Variants in MAGI2 observed in about 807,000 individuals in gnomAD.
MAGI2 encodes membrane-associated guanylate kinase, WW and PDZ domain-containing protein 2.
A neutral mutation model predicts 133.3 loss-of-function variants in MAGI2; 35 were observed. The ratio of observed to expected loss-of-function variants is 0.26; its 90% CI spans 0.20 to 0.35. The LOEUF is 0.35. MAGI2 is among the 10% of genes least tolerant of loss of function. The pLI is 1.00. For missense variants in MAGI2, 1,636 were observed against 1,863.4 expected, an observed-to-expected ratio of 0.88 and a Z score of 2.25; for synonymous variants, 729 against 710.6, an observed-to-expected ratio of 1.03 and a Z score of -0.41.
At chr7:78,677,606 T>C (rs1253786105) in intron 2 of MAGI2, among the ~76,000 whole-genome samples, 1 of 152,140 alleles carries the variant, frequency 6.6e-6, no homozygotes, top group African/African-American at 2.4e-5. Flanking sequence ...TTGTGTTTGA[T>C]GACCATGACT....
At chr7:79,372,811 T>G (rs1233301186) in intron 1 of MAGI2, among the ~76,000 whole-genome samples, 2 of 152,034 alleles carry the variant, frequency 1.3e-5, no homozygotes, top group Non-Finnish European at 2.9e-5. Context: ...GAAAATAGAA[T>G]AGCCTTTTGC....
At chr7:79,225,820 A>G (rs1247893034) in intron 1 of MAGI2, among the ~76,000 whole-genome samples, 1 of 152,202 alleles carries the variant, frequency 6.6e-6, no homozygotes, top group African/African-American at 2.4e-5. Flanking sequence ...CTGTTTTGTA[A>G]TATTCTAAAC....
chr7:79,425,907 C>G (rs550228306), intron 1 of MAGI2, among the ~76,000 whole-genome samples: 1 of 151,894 alleles, frequency 6.6e-6, no homozygotes, highest in African/African-American at 2.4e-5. Context: ...AAAAGCTGCA[C>G]CAGGAAAACT....
intron 1 of MAGI2, among the ~76,000 whole-genome samples, chr7:79,214,391 CTCTCTCTCTCTCTCTCTATATATATATA>C (rs1829787670): frequency 2.1e-5 from 2 of 93,244 alleles, no homozygotes; most frequent in Non-Finnish European, 4.1e-5. Flanking sequence ...CTCTCTCTCT[CTCTCTCTCTCTCTCTCTATATATATATA>C]TATATATATA....
chr7:78,734,653 G>C (rs1327715055), intron 2 of MAGI2, among the ~76,000 whole-genome samples: 1 of 152,142 alleles, frequency 6.6e-6, no homozygotes, highest in Non-Finnish European at 1.5e-5. Flanking sequence ...GACCTCAAGA[G>C]GTCTTGTATG....
In MAGI2 at chr7:78,018,885, C is replaced by A. The variant is rs546979055; in HGVS notation, c.*430G>T. 8 of 363,860 alleles carry A rather than the reference C, an allele frequency of 2.2e-5. No individual in the cohort carries two copies. Among genetic ancestry groups the A allele is most frequent in the African/African-American group, 8.4e-5 (4 of 47,772 alleles). 22.5% of individuals were successfully genotyped at this position (363,860 alleles called of 1,614,324 possible). A position where few individuals can be genotyped will look rare whatever the true frequency, so the allele number is the denominator to read the frequency against. On this transcript the variant is annotated 3_prime_UTR_variant, in exon 22 of 22. Transcript: ENST00000354212. ...AGATATAATCTTGTCTCAGTTTCAG[C>A]TTGCTCCGTGCAGTTTGATTTTTAA...
intron 2 of MAGI2, among the ~76,000 whole-genome samples, chr7:78,895,020 G>A (rs1179761995): frequency 1.3e-5 from 2 of 152,134 alleles, no homozygotes; most frequent in Non-Finnish European, 2.9e-5. Context: ...TTAAAAGGAA[G>A]GGCCTTTAAG....
rs142624289 is a variant in MAGI2, at chr7:78,159,229, C to T, written c.2845+796G>A. 2.6e-4 allele frequency among the ~76,000 whole-genome samples: 39 copies of T among 152,334 alleles called. No individual in the cohort carries two copies. The East Asian group carries it at 6.9e-3, about 27-fold the overall frequency. The stretch of plus-strand genomic sequence containing the variant: ...TTGATAAATTGGCTCTGCTAGGCAG[C>T]GGGCAATGTGAAGCCATTGGGCAGT... On this transcript the variant is annotated intron_variant, in intron 16 of 21. Transcript: ENST00000354212.
At position 79,335,668 on chromosome 7, in the gene MAGI2, G is replaced by C. The variant is rs1313574028; in HGVS notation, c.301+117352C>G. On this transcript the variant is annotated intron_variant, in intron 1 of 21. Coordinates refer to ENST00000354212, the MANE Select transcript of MAGI2 (RefSeq NM_012301.4). ...GAAGTACACAGCAACATCCTTAGTGGACAAAAGATGGGTAAATCTTTTTGA... is the reference window on the plus strand; with the variant it reads ...GAAGTACACAGCAACATCCTTAGTGCACAAAAGATGGGTAAATCTTTTTGA... Among the ~76,000 whole-genome samples the C allele has an allele frequency of 2.6e-5, 4 of 151,902 alleles. No homozygotes were observed. In the East Asian group the frequency reaches 7.7e-4, roughly 29 times the overall value.
At chr7:78,385,114 TC>T (rs1171796944) in intron 6 of MAGI2, among the ~76,000 whole-genome samples, 1 of 152,172 alleles carries the variant, frequency 6.6e-6, no homozygotes, top group Non-Finnish European at 1.5e-5. Context: ...TGTCATAGAT[TC>T]CCTACTTTAT....
chr7:79,328,316 T>A (rs755099085), intron 1 of MAGI2, among the ~76,000 whole-genome samples: 4 of 152,152 alleles, frequency 2.6e-5, no homozygotes, highest in Non-Finnish European at 5.9e-5. Flanking sequence ...ATCAAGAATA[T>A]CCTCCTGTCC....
At chr7:78,967,761 G>T (rs192333356) in intron 2 of MAGI2, among the ~76,000 whole-genome samples, 3 of 151,884 alleles carry the variant, frequency 2.0e-5, no homozygotes, top group East Asian at 3.9e-4. Context: ...TATTATATAC[G>T]CATGGCTTAT....
intron 6 of MAGI2, among the ~76,000 whole-genome samples, chr7:78,377,700 C>T (rs1298996744): frequency 1.3e-5 from 2 of 151,608 alleles, no homozygotes; most frequent in African/African-American, 4.8e-5. Flanking sequence ...ACTGAGGAAT[C>T]TGTACTTCAT....
At chr7:78,779,571 A>T (rs1214471022) in intron 2 of MAGI2, among the ~76,000 whole-genome samples, 1 of 152,244 alleles carries the variant, frequency 6.6e-6, no homozygotes, top group Non-Finnish European at 1.5e-5. Flanking sequence ...TTTTGACTGA[A>T]TCACTCTGTT....
intron 1 of MAGI2, among the ~76,000 whole-genome samples, chr7:79,295,847 G>A (rs934727419): frequency 6.6e-6 from 1 of 152,040 alleles, no homozygotes; most frequent in Non-Finnish European, 1.5e-5. Context: ...ACGTGATCAA[G>A]AAGAAAACAC....
chr7:78,272,886 C>T (rs1038435294), intron 9 of MAGI2, among the ~76,000 whole-genome samples: 2 of 152,088 alleles, frequency 1.3e-5, no homozygotes, highest in African/African-American at 4.8e-5. Context: ...GGTCTTGACT[C>T]TTTATCCAAT....
intron 6 of MAGI2, among the ~76,000 whole-genome samples, chr7:78,387,426 A>G (rs1486732071): frequency 6.6e-6 from 1 of 152,216 alleles, no homozygotes; most frequent in Non-Finnish European, 1.5e-5. Context: ...GTTTGGCAGC[A>G]TCTTGGATGG....
chr7:78,532,975 T>G (rs1379909859), intron 3 of MAGI2, among the ~76,000 whole-genome samples: 1 of 151,874 alleles, frequency 6.6e-6, no homozygotes, highest in Non-Finnish European at 1.5e-5. Context: ...GGAGTCTTGC[T>G]CTGTTGCCCA....
chr7:78,893,048 C>T (rs1197677817), intron 2 of MAGI2, among the ~76,000 whole-genome samples: 1 of 151,912 alleles, frequency 6.6e-6, no homozygotes, highest in Non-Finnish European at 1.5e-5. Context: ...AAACAAACAA[C>T]CCCATCAAAA....
Sources: gnomAD v4.1 joint callset for allele counts (sites outside exome capture counted in the v4.1 genomes callset) on GRCh38, gnomAD v4.1.1 for gene constraint, MANE v1.5 for transcripts, NCBI Gene and HGNC (gene_info 2026-07-23, HGNC 2026-07-21) for gene names.